The following GRM3 variants were observed in gnomAD, a reference collection of about 807,000 sequenced individuals.
The protein encoded by GRM3 is glutamate metabotropic receptor 3, also known as metabotropic glutamate receptor 3.
GRM3 carries 26 observed loss-of-function variants against 70.5 expected under a neutral mutation model. That is an observed-to-expected ratio of 0.37 (90% CI 0.27 to 0.51). The LOEUF is 0.51. Among genes scored for constraint, GRM3 ranks in the 20% least tolerant of loss-of-function variants. The pLI, the probability that GRM3 is intolerant of heterozygous loss-of-function variation, is 0.93. For missense variants in GRM3, 859 were observed against 1,123.8 expected (o/e 0.76, Z 3.37); for synonymous variants, 443 against 434.9 (o/e 1.02, Z -0.23).
At chr7:86,687,606 A>G (rs1319203502) in intron 1 of GRM3, among the ~76,000 whole-genome samples, 1 of 151,944 alleles carries the variant, frequency 6.6e-6, no homozygotes, top group Non-Finnish European at 1.5e-5. Flanking sequence ...GACCTACACT[A>G]CAAGATATAC....
At chr7:86,767,209 T>C (rs955224706) in intron 2 of GRM3, among the ~76,000 whole-genome samples, 1 of 150,018 alleles carries the variant, frequency 6.7e-6, no homozygotes, top group Non-Finnish European at 1.5e-5. Flanking sequence ...CAAGACTTCA[T>C]CTCAAAAAAA....
At position 86,760,628 on chromosome 7, in the gene GRM3, A is replaced by G. The variant is rs115696173; in HGVS notation, c.-140-4378A>G. Among the ~76,000 whole-genome samples the G allele has an allele frequency of 8.3e-4, 126 of 152,058 alleles. 1 individual carries two copies. Among genetic ancestry groups the G allele is most frequent in the African/African-American group, 3.0e-3 (124 of 41,500 alleles). ...AGATAACAGTGGCATTGAATTAAAC[A>G]TGTTTGTCTATTTTTCAATGTTACT... is the stretch of plus-strand genomic sequence containing the variant. On this transcript the variant is annotated intron_variant, in intron 1 of 5. Coordinates refer to ENST00000361669, the MANE Select transcript of GRM3 (RefSeq NM_000840.3).
At chr7:86,649,715 A>G (rs879812903) in intron 1 of GRM3, among the ~76,000 whole-genome samples, 12 of 152,146 alleles carry the variant, frequency 7.9e-5, no homozygotes, top group Non-Finnish European at 1.0e-4. Flanking sequence ...TATATGTAGC[A>G]TGGGAATATT....
chr7:86,720,841 C>T (rs1188163309), intron 1 of GRM3, among the ~76,000 whole-genome samples: 1 of 152,014 alleles, frequency 6.6e-6, no homozygotes, highest in Non-Finnish European at 1.5e-5. Context: ...ATGGAGCAAG[C>T]ACTGTTTTAA....
rs1193877532 is a variant in GRM3 at position 86,834,086 on chromosome 7, T to G, written c.1325-4753T>G. Among the ~76,000 whole-genome samples, 3 of 152,362 alleles carry G rather than the reference T, an allele frequency of 2.0e-5. No homozygotes were observed. In the East Asian group the frequency reaches 5.8e-4, roughly 29 times the overall value. On this transcript the variant is annotated intron_variant, in intron 3 of 5. Coordinates refer to ENST00000361669, the MANE Select transcript of GRM3 (RefSeq NM_000840.3). ...TACTTTAAAGCTACTCTGCCTGACC[T>G]TGCTTAATTATCTTTATACTATTTT...
intron 1 of GRM3, among the ~76,000 whole-genome samples, chr7:86,734,749 A>G (rs1009068285): frequency 8.5e-5 from 13 of 152,122 alleles, no homozygotes; most frequent in Non-Finnish European, 1.6e-4. Context: ...ATTTTCCTGT[A>G]TCTTTCTCTG....
At chr7:86,713,531 TTGTCTCAG>T (rs1272376135) in intron 1 of GRM3, among the ~76,000 whole-genome samples, 2 of 150,144 alleles carry the variant, frequency 1.3e-5, no homozygotes, top group Admixed American at 6.6e-5. Flanking sequence ...GCTCATGTTA[TTGTCTCAG>T]TCTGACACAA....
chr7:86,790,042 A>T (rs923960264), intron 3 of GRM3, among the ~76,000 whole-genome samples: 5 of 152,166 alleles, frequency 3.3e-5, no homozygotes, highest in African/African-American at 1.2e-4. Flanking sequence ...TCCTTCCATT[A>T]GCACTACTTG....
At chr7:86,755,156 T>C (rs894337102) in intron 1 of GRM3, among the ~76,000 whole-genome samples, 1 of 151,460 alleles carries the variant, frequency 6.6e-6, no homozygotes, top group African/African-American at 2.4e-5. Context: ...TTTAGAAGCA[T>C]ATGCATTGGT....
intron 1 of GRM3, among the ~76,000 whole-genome samples, chr7:86,658,997 G>A (rs752544468): frequency 6.6e-6 from 1 of 152,136 alleles, no homozygotes; most frequent in Non-Finnish European, 1.5e-5. Flanking sequence ...CTTAAGCCAT[G>A]TGGTATGAGT....
chr7:86,702,919 TAAAAG>T (rs765850685), intron 1 of GRM3, among the ~76,000 whole-genome samples: 8 of 151,880 alleles, frequency 5.3e-5, no homozygotes, highest in Admixed American at 6.6e-5. Context: ...AGAACAAACG[TAAAAG>T]AAAACAAATC....
At chr7:86,654,390 C>A (rs1486552817) in intron 1 of GRM3, among the ~76,000 whole-genome samples, 1 of 152,210 alleles carries the variant, frequency 6.6e-6, no homozygotes, top group Non-Finnish European at 1.5e-5. Context: ...AACTGTTAAA[C>A]TGTTGAAAGT....
chr7:86,842,701 AAACAT>A (rs1225084382), intron 4 of GRM3, among the ~76,000 whole-genome samples: 2 of 152,230 alleles, frequency 1.3e-5, no homozygotes, highest in African/African-American at 4.8e-5. Flanking sequence ...AGTTATAAAT[AAACAT>A]AAGGCATGAT....
intron 3 of GRM3, among the ~76,000 whole-genome samples, chr7:86,799,009 T>A (rs1797621665): frequency 6.6e-6 from 1 of 152,204 alleles, no homozygotes. Flanking sequence ...TGGGTATGTC[T>A]TTATTAGCAG....
chr7:86,805,829 A>G (rs1797778234), intron 3 of GRM3, among the ~76,000 whole-genome samples: 1 of 152,190 alleles, frequency 6.6e-6, no homozygotes, highest in Non-Finnish European at 1.5e-5. Flanking sequence ...AACATGTGCC[A>G]TGTTGGTGCG....
At chr7:86,831,793 T>TAAAAAA (rs35888996) in intron 3 of GRM3, among the ~76,000 whole-genome samples, 1 of 113,978 alleles carries the variant, frequency 8.8e-6, no homozygotes, top group African/African-American at 3.3e-5. Context: ...ATAGCACCGT[T>TAAAAAA]AAAAAAAAAA....
At chr7:86,753,897 T>G (rs1796286363) in intron 1 of GRM3, among the ~76,000 whole-genome samples, 1 of 152,106 alleles carries the variant, frequency 6.6e-6, no homozygotes, top group African/African-American at 2.4e-5. Flanking sequence ...CACGGCCAAT[T>G]TTAAGGTGCC....
chr7:86,838,796 C>CT, intron 3 of GRM3, 43 bp from the exon 4 acceptor site: 1 of 1,156,026 alleles, frequency 8.7e-7, no homozygotes, highest in Non-Finnish European at 1.2e-6. Flanking sequence ...CGTAAGACAC[C>CT]TAAACAAGTG....
At position 86,765,603 on chromosome 7, in the gene GRM3, T is replaced by C. The variant is rs1371983861; in HGVS notation, c.458T>C (p.Val153Ala). ...GTCATTGGTGGCTCTTATAGCAGTGTTTCCATACAGGTAAGATTGGCTAAT... is the reference window on the plus strand; with the variant it reads ...GTCATTGGTGGCTCTTATAGCAGTGCTTCCATACAGGTAAGATTGGCTAAT... ...AGVIGGSYSS[V>A]SIQVANLLRL... Residue 153 changes from valine to alanine, a missense_variant, in exon 2 of 6, where the codon GTT (valine) becomes GCT (alanine). Coordinates refer to ENST00000361669, the MANE Select transcript of GRM3 (RefSeq NM_000840.3). 10 of 1,612,098 alleles carry C rather than the reference T, an allele frequency of 6.2e-6. No individual in the cohort carries two copies. Among genetic ancestry groups the C allele is most frequent in the Non-Finnish European group, 8.5e-6 (10 of 1,178,600 alleles).
Sources: allele counts gnomAD v4.1 joint callset (sites outside exome capture counted in the v4.1 genomes callset), GRCh38; gene constraint gnomAD v4.1.1; transcripts MANE v1.5; gene names NCBI Gene and HGNC (gene_info 2026-07-23, HGNC 2026-07-21).